The following RAB30 variants were observed in gnomAD, a reference collection of about 807,000 sequenced individuals.
RAB30 encodes the protein ras-related protein Rab-30.
Under a neutral mutation model 25.1 loss-of-function variants are expected in RAB30, and 9 were observed. The observed-to-expected ratio is 0.36, with a 90% CI of 0.22 to 0.63. RAB30 has a LOEUF of 0.63. RAB30 is among the 20% of genes least tolerant of loss of function. The pLI is 0.69. For synonymous variants in RAB30, 77 were observed against 86.4 expected (o/e 0.89, Z 0.60); for missense variants, 140 against 243.5 (o/e 0.58, Z 2.83).
At chr11:83,043,651 T>C (rs1442968327) in intron 1 of RAB30, among the ~76,000 whole-genome samples, 1 of 152,176 alleles carries the variant, frequency 6.6e-6, no homozygotes, top group Non-Finnish European at 1.5e-5. Flanking sequence ...CTAGTGTAAA[T>C]ATGCATTTAT....
chr11:82,998,393 C>T lies in RAB30; in HGVS notation c.-8-1069G>A, dbSNP rs369570507. Among the ~76,000 whole-genome samples the T allele has an allele frequency of 6.6e-5, 10 of 152,010 alleles. No individual in the cohort carries two copies. In the East Asian group the frequency reaches 1.2e-3, roughly 18 times the overall value. The stretch of plus-strand genomic sequence containing the variant: ...TTAAAACTTACAAAAGAACCTTATA[C>T]AAAAATTACCCAGGTGTGGTGGCGT... On this transcript the variant is annotated intron_variant, in intron 1 of 4. Coordinates refer to ENST00000527633, the MANE Select transcript of RAB30 (RefSeq NM_001286060.2).
chr11:83,069,285 T>C (rs960783113), intron 1 of RAB30, among the ~76,000 whole-genome samples: 12 of 152,162 alleles, frequency 7.9e-5, no homozygotes, highest in African/African-American at 2.9e-4. Context: ...AGATGGTGCA[T>C]AAAAGGTCTA....
In RAB30 at chr11:83,041,277, G is replaced by T; in HGVS notation, c.-9+30414C>A. 1.6e-5 allele frequency: 3 copies of T among 182,172 alleles called. No individual in the cohort carries two copies. The South Asian group carries it at 4.0e-4, about 24-fold the overall frequency. The allele number at this position is 182,172 out of a possible 1,614,324, so 11.3% of individuals were successfully genotyped here. A position where few individuals can be genotyped will look rare whatever the true frequency, so the allele number is the denominator to read the frequency against. On this transcript the variant is annotated intron_variant, in intron 1 of 4. Transcript: ENST00000527633. ...GGATCTTCTGGTGACCAGGGAACTT[G>T]AACTTGGCCCTGTGGAGGGCCTCAA...
At chr11:82,985,205 T>A (rs1042102686) in intron 4 of RAB30, among the ~76,000 whole-genome samples, 1 of 151,894 alleles carries the variant, frequency 6.6e-6, no homozygotes, top group South Asian at 2.1e-4. Flanking sequence ...CCTCAAGTGA[T>A]CCACCCGCCT....
chr11:83,047,842 G>A (rs1858265967), intron 1 of RAB30, among the ~76,000 whole-genome samples: 1 of 152,032 alleles, frequency 6.6e-6, no homozygotes, highest in African/African-American at 2.4e-5. Flanking sequence ...TCCCTCAGTA[G>A]AGCATCTCCA....
intron 1 of RAB30, among the ~76,000 whole-genome samples, chr11:83,056,149 A>G (rs1858455143): frequency 6.6e-6 from 1 of 152,206 alleles, no homozygotes; most frequent in Non-Finnish European, 1.5e-5. Flanking sequence ...TCTAAAACTG[A>G]AACTCTACAC....
intron 1 of RAB30, among the ~76,000 whole-genome samples, chr11:83,050,608 C>A (rs9971400): frequency 0.019 from 2,913 of 152,274 alleles, 88 homozygotes; most frequent in African/African-American, 0.066. Flanking sequence ...GCAGTGGTAC[C>A]AAGGCATGAA....
At chr11:82,988,138 G>A (rs7131003) in intron 3 of RAB30, among the ~76,000 whole-genome samples, 86,924 of 151,970 alleles carry the variant, frequency 0.57, 25,430 homozygotes, top group African/African-American at 0.72. Flanking sequence ...ATTCCTCACA[G>A]TAACCCTATG....
chr11:82,983,871 G>C (rs1192131120), intron 4 of RAB30, among the ~76,000 whole-genome samples: 3 of 152,166 alleles, frequency 2.0e-5, no homozygotes, highest in Non-Finnish European at 2.9e-5. Context: ...TGGTGGTACT[G>C]TTGGTATTAT....
chr11:82,984,915 A>C (rs75179735), intron 4 of RAB30, among the ~76,000 whole-genome samples: 40,453 of 152,098 alleles, frequency 0.27, 6,389 homozygotes, highest in African/African-American at 0.45. Flanking sequence ...TCCCACTGGC[A>C]AAGTCGGAAC....
chr11:83,060,963 G>A (rs774049457), intron 1 of RAB30, among the ~76,000 whole-genome samples: 4 of 152,302 alleles, frequency 2.6e-5, no homozygotes, highest in Admixed American at 1.3e-4. Flanking sequence ...TTCCTCTCCT[G>A]TCCTCGGACA....
At chr11:83,016,043 C>T (rs1381991499) in intron 1 of RAB30, among the ~76,000 whole-genome samples, 1 of 152,126 alleles carries the variant, frequency 6.6e-6, no homozygotes. Context: ...GAGGCTGAGG[C>T]AGGAGGATCG....
chr11:83,016,827 T>G (rs1205148047), intron 1 of RAB30, among the ~76,000 whole-genome samples: 1 of 152,208 alleles, frequency 6.6e-6, no homozygotes, highest in African/African-American at 2.4e-5. Context: ...CTCACTTCAA[T>G]GTAAGCAACC....
chr11:82,999,947 T>TACAC (rs1857041352), intron 1 of RAB30, among the ~76,000 whole-genome samples: 1 of 151,256 alleles, frequency 6.6e-6, no homozygotes, highest in African/African-American at 2.5e-5. Context: ...TACACACATG[T>TACAC]ACACTCATGA....
intron 3 of RAB30, among the ~76,000 whole-genome samples, chr11:82,988,920 C>A (rs150387255): frequency 1.5e-5 from 2 of 137,606 alleles, no homozygotes; most frequent in Non-Finnish European, 3.1e-5. Context: ...GTCTCTCTTG[C>A]GATACATCCT....
At chr11:83,034,616 C>T (rs1053805588) in intron 1 of RAB30, 2 of 152,194 alleles carry the variant, frequency 1.3e-5, no homozygotes, top group African/African-American at 4.8e-5. Flanking sequence ...CCAAAGCTCT[C>T]TGCCCACAGC....
chr11:82,986,097 A>G (rs1434817514), intron 4 of RAB30, among the ~76,000 whole-genome samples: 2 of 152,238 alleles, frequency 1.3e-5, no homozygotes, highest in African/African-American at 4.8e-5. Flanking sequence ...AATTGTTAAC[A>G]TATTTTAGGT....
At chr11:83,020,780 G>A (rs1476040294) in intron 1 of RAB30, among the ~76,000 whole-genome samples, 1 of 152,202 alleles carries the variant, frequency 6.6e-6, no homozygotes, top group African/African-American at 2.4e-5. Flanking sequence ...CAGTTGTAGA[G>A]AGGAGCTACC....
At chr11:83,033,624 G>T (rs1379274793) in intron 1 of RAB30, among the ~76,000 whole-genome samples, 1 of 152,162 alleles carries the variant, frequency 6.6e-6, no homozygotes, top group African/African-American at 2.4e-5. Context: ...GTTAATAACA[G>T]AGTTATGATT....
Sources: allele counts gnomAD v4.1 joint callset (sites outside exome capture counted in the v4.1 genomes callset), GRCh38; gene constraint gnomAD v4.1.1; transcripts MANE v1.5; gene names NCBI Gene and HGNC (gene_info 2026-07-23, HGNC 2026-07-21).